The following ZFHX3 variants were observed in gnomAD, a reference collection of about 807,000 sequenced individuals.
ZFHX3 encodes zinc finger homeobox protein 3.
Under a neutral mutation model 279.1 loss-of-function variants are expected in ZFHX3, and 42 were observed. The observed-to-expected ratio is 0.15, with a 90% CI of 0.12 to 0.19. ZFHX3 has a LOEUF of 0.19. Among genes scored for constraint, ZFHX3 ranks in the 10% least tolerant of loss-of-function variants. ZFHX3 has a pLI of 1.00. For missense variants in ZFHX3, 4,981 were observed against 4,754.0 expected, an observed-to-expected ratio of 1.05 and a Z score of -1.40; for synonymous variants, 2,293 against 1,957.8, an observed-to-expected ratio of 1.17 and a Z score of -4.52.
intron 1 of ZFHX3, among the ~76,000 whole-genome samples, chr16:73,770,570 A>G (rs1040096450): frequency 6.6e-6 from 1 of 152,268 alleles, no homozygotes; most frequent in Non-Finnish European, 1.5e-5. Flanking sequence ...ACTCTCAAGC[A>G]TAAGAGTCAT....
At chr16:73,125,384 G>GGGGT (rs1406445156) in intron 7 of ZFHX3, 3 of 151,992 alleles carry the variant, frequency 2.0e-5, no homozygotes, top group Non-Finnish European at 4.4e-5. Flanking sequence ...GCCACTTTAT[G>GGGGT]GGGTAGGTAC....
At chr16:73,878,787 A>G (rs983982564) in intron 1 of ZFHX3, among the ~76,000 whole-genome samples, 2 of 152,028 alleles carry the variant, frequency 1.3e-5, no homozygotes, top group Admixed American at 6.6e-5. Flanking sequence ...TTATTGGTTC[A>G]AGGAAGCTCT....
chr16:72,803,009 T>A (rs1319341245), intron 7 of ZFHX3, among the ~76,000 whole-genome samples: 2 of 152,168 alleles, frequency 1.3e-5, no homozygotes, highest in Non-Finnish European at 1.5e-5. Flanking sequence ...CCATAGTCTC[T>A]AATGGATAGC....
At chr16:73,857,648 T>C (rs1597146390) in intron 1 of ZFHX3, among the ~76,000 whole-genome samples, 1 of 152,210 alleles carries the variant, frequency 6.6e-6, no homozygotes, top group Non-Finnish European at 1.5e-5. Flanking sequence ...AGCTGCCTGG[T>C]ACTGTGTAAG....
At position 72,794,509 on chromosome 16, in the gene ZFHX3, C is replaced by T. The variant is rs2035830640; in HGVS notation, c.8173G>A (p.Ala2725Thr). 1 of 1,614,068 alleles carries T rather than the reference C, an allele frequency of 6.2e-7. No individual in the cohort carries two copies. Among genetic ancestry groups the T allele is most frequent in the Admixed American group, 1.7e-5 (1 of 60,008 alleles). ...CGGGACCGGATATGAGCCTCAAGAGCAGTCTTGGCTTTGAAGAGCGCTCTG... is the reference window on the plus strand; with the variant it reads ...CGGGACCGGATATGAGCCTCAAGAGTAGTCTTGGCTTTGAAGAGCGCTCTG... ...FCRALFKAKT[A>T]LEAHIRSRHW... Residue 2725 changes from alanine (A) to threonine (T), a missense_variant, in exon 9 of 10, where the codon GCT becomes ACT. By Grantham distance (58) the Ala-to-Thr change is moderately conservative (BLOSUM62 0). This residue lies in a region of ZFHX3 where 744 missense variants were observed against 701.3 expected (regional missense o/e 1.06). Transcript: ENST00000268489. The surrounding 1 kb of genome is among the most constrained non-coding windows in gnomAD (Gnocchi z 4.2).
chr16:72,960,299 T>A, intron 1 of ZFHX3, 105 bp from the exon 2 acceptor site: 1 of 869,760 alleles, frequency 1.1e-6, no homozygotes, highest in Non-Finnish European at 1.7e-6. Context: ...CGGAGCGCTC[T>A]AAGAGGCTTC....
At position 73,507,485 on chromosome 16, in the gene ZFHX3, C is replaced by CTTTTTTTT. The variant is rs752001880; in HGVS notation, c.-1546-51235_-1546-51228dup. ...AAATGCGTGAAATTCAGCTCTGCCA[C>CTTTTTTTT]TTTTTTTTTTTTTTTTTTTTTTTTT... On this transcript the variant is annotated intron_variant, in intron 2 of 17. Coordinates refer to the ZFHX3 transcript ENST00000641206. Among the ~76,000 whole-genome samples the CTTTTTTTT allele has an allele frequency of 6.3e-4, 50 of 79,788 alleles. 7 individuals are homozygous for CTTTTTTTT. The South Asian group carries it at 6.8e-3, about 11-fold the overall frequency. 52.3% of individuals were successfully genotyped at this position (79,788 alleles called of 152,430 possible). A position where few individuals can be genotyped will look rare whatever the true frequency, so the allele number is the denominator to read the frequency against.
chr16:73,056,770 G>T (rs1311805073), intron 1 of ZFHX3, among the ~76,000 whole-genome samples: 1 of 152,150 alleles, frequency 6.6e-6, no homozygotes, highest in Non-Finnish European at 1.5e-5. Flanking sequence ...CTGCCCTATT[G>T]ATTATGCAGA....
chr16:73,544,821 C>G (rs2020082169), intron 2 of ZFHX3, among the ~76,000 whole-genome samples: 2 of 152,098 alleles, frequency 1.3e-5, no homozygotes, highest in Admixed American at 1.3e-4. Flanking sequence ...GGTTCCCCGG[C>G]CGTGGACATG....
intron 1 of ZFHX3, among the ~76,000 whole-genome samples, chr16:73,027,082 T>C (rs917504500): frequency 1.3e-5 from 2 of 152,232 alleles, no homozygotes; most frequent in African/African-American, 4.8e-5. Flanking sequence ...AATGAACATT[T>C]AGGAACACAA....
At chr16:73,049,479 A>AAGGCTTT (rs1316612636), upstream of ZFHX3, among the ~76,000 whole-genome samples, 1 of 152,258 alleles carries the variant, frequency 6.6e-6, no homozygotes, top group Non-Finnish European at 1.5e-5. Context: ...CCCCGTATAG[A>AAGGCTTT]AGGCTTTTTG....
chr16:73,562,615 A>AAAAG (rs2020388165), intron 2 of ZFHX3, among the ~76,000 whole-genome samples: 2 of 146,102 alleles, frequency 1.4e-5, no homozygotes, highest in African/African-American at 2.5e-5. Context: ...AAAAAAAAAA[A>AAAAG]GTGGCTGTGA....
intron 2 of ZFHX3, chr16:73,499,658 T>C (rs2019201350): frequency 6.6e-6 from 1 of 152,194 alleles, no homozygotes; most frequent in African/African-American, 2.4e-5. Flanking sequence ...TACAGATGTA[T>C]GAGGGGATCT....
chr16:73,161,377 C>A (rs1025443812), intron 5 of ZFHX3, among the ~76,000 whole-genome samples: 1 of 152,196 alleles, frequency 6.6e-6, no homozygotes, highest in Admixed American at 6.5e-5. Flanking sequence ...ATTCTTACAG[C>A]CTTAGAGTCT....
At chr16:73,649,289 G>T (rs990840315) in intron 2 of ZFHX3, among the ~76,000 whole-genome samples, 1 of 152,128 alleles carries the variant, frequency 6.6e-6, no homozygotes, top group African/African-American at 2.4e-5. Context: ...AAGACTTCTG[G>T]CTTGGCTTCC....
chr16:73,669,737 A>G (rs1205223644), intron 2 of ZFHX3, among the ~76,000 whole-genome samples: 2 of 152,220 alleles, frequency 1.3e-5, no homozygotes, highest in Non-Finnish European at 1.5e-5. Context: ...TTTAGTTTCA[A>G]CTAAGCTTGT....
At chr16:73,138,998 T>G (rs1966839137) in intron 6 of ZFHX3, among the ~76,000 whole-genome samples, 1 of 152,170 alleles carries the variant, frequency 6.6e-6, no homozygotes. Flanking sequence ...GCCTGGTCAT[T>G]GCCCTTTTAT....
Position 72,787,230 on chromosome 16 carries a change from G to A in ZFHX3, c.11046C>T (p.Pro3682=). 2 of 1,613,998 alleles carry A rather than the reference G, an allele frequency of 1.2e-6. No homozygotes were observed. Among genetic ancestry groups the A allele is most frequent in the Non-Finnish European group, 8.5e-7 (1 of 1,179,998 alleles). The part of the protein sequence containing the change: ...SDGPASPVEG[P]KDPSCPKDSG... ...TGTCCTTGGGGCAGCTGGGGTCTTT[G>A]GGACCCTCCACCGGGCTCGCCGGTC... Residue 3682 remains proline (P), a synonymous_variant, in exon 10 of 10, where the codon CCC becomes CCT. Coordinates refer to ENST00000268489, the MANE Select transcript of ZFHX3 (RefSeq NM_006885.4).
At chr16:73,172,565 C>T (rs899572842) in intron 5 of ZFHX3, among the ~76,000 whole-genome samples, 24 of 152,218 alleles carry the variant, frequency 1.6e-4, no homozygotes, top group African/African-American at 4.8e-4. Context: ...GTGAGGATGG[C>T]GTAGGCCGTG....
Sources: gnomAD v4.1 joint callset for allele counts (sites outside exome capture counted in the v4.1 genomes callset) on GRCh38, gnomAD v4.1.1 for gene constraint, gnomAD v4.1.1 regional missense constraint, Gnocchi (gnomAD v3.1) non-coding constraint, MANE v1.5 for transcripts, NCBI Gene and HGNC (gene_info 2026-07-23, HGNC 2026-07-21) for gene names.